The following BPIFB3 variants were observed in gnomAD, a reference collection of about 807,000 sequenced individuals.
The protein encoded by BPIFB3 is BPI fold containing family B member 3.
A neutral mutation model predicts 53.1 loss-of-function variants in BPIFB3; 49 were observed. The ratio of observed to expected loss-of-function variants is 0.92; its 90% CI spans 0.73 to 1.17. BPIFB3 has a LOEUF of 1.17. Ranked by LOEUF, BPIFB3 falls within the 50% of genes most tolerant of loss-of-function variation. The pLI is 0.00. For missense variants in BPIFB3, 628 were observed against 592.5 expected (o/e 1.06, Z -0.62); for synonymous variants, 271 against 269.6 (o/e 1.01, Z -0.05).
chr20:33,062,310 G>A (rs553868636), intron 5 of BPIFB3, among the ~76,000 whole-genome samples: 3 of 152,292 alleles, frequency 2.0e-5, no homozygotes, highest in Admixed American at 2.0e-4. Context: ...ACTCGAGAGA[G>A]CTGGTCTGGC....
intron 13 of BPIFB3, 141 bp from the exon 15 acceptor site, chr20:33,072,576 C>T: frequency 4.2e-6 from 3 of 715,454 alleles, no homozygotes; most frequent in Non-Finnish European, 7.3e-6. Flanking sequence ...TAGGAGTTTG[C>T]CAATAAGAAG....
chr20:33,056,638 T>C, exon 2 of BPIFB3: 1 of 1,612,996 alleles, frequency 6.2e-7, no homozygotes, highest in Non-Finnish European at 8.5e-7. Context: ...GGAGGGCTGC[T>C]TGGAGGAGGC....
upstream of BPIFB3, among the ~76,000 whole-genome samples, chr20:33,054,840 T>C (rs560765189): frequency 6.6e-6 from 1 of 152,320 alleles, no homozygotes; most frequent in East Asian, 1.9e-4. Flanking sequence ...CCCCATTCCC[T>C]TTTTCAACAA....
Position 33,072,086 on chromosome 20 carries a change from CTG to C in BPIFB3, c.1261-12_1261-11del. ...ACCCCAGAGCACCACCCCCACCACC[CTG>C]TGTGTTCTGTTGCAGGGATCGCGTT... On this transcript the variant is annotated splice_polypyrimidine_tract_variant and intron_variant, in intron 12 of 14. Coordinates refer to ENST00000375494, the Ensembl canonical transcript of BPIFB3. 1 of 1,614,024 alleles carries C rather than the reference CTG, an allele frequency of 6.2e-7. No individual in the cohort carries two copies. Among genetic ancestry groups the C allele is most frequent in the Non-Finnish European group, 8.5e-7 (1 of 1,179,896 alleles).
intron 10 of BPIFB3, among the ~76,000 whole-genome samples, chr20:33,069,673 A>G (rs373078133): frequency 7.9e-5 from 12 of 152,290 alleles, no homozygotes; most frequent in African/African-American, 2.9e-4. Context: ...TTCCTCTCCT[A>G]CATTACCAAT....
At chr20:33,061,642 C>A in intron 4 of BPIFB3, 126 bp from the exon 6 acceptor site, 1 of 896,760 alleles carries the variant, frequency 1.1e-6, no homozygotes, top group Non-Finnish European at 1.7e-6. Context: ...TCCAAAGCCG[C>A]AGTCAACACC....
chr20:33,072,186 T>C lies in BPIFB3; in HGVS notation c.1324+19T>C. 2 of 1,613,460 alleles carry C rather than the reference T, an allele frequency of 1.2e-6. No individual in the cohort carries two copies. Among genetic ancestry groups the C allele is most frequent in the Non-Finnish European group, 1.7e-6 (2 of 1,179,378 alleles). ...CTTAACGGTATGGCAGGTTTTGCTCTCTTGGACACATGGAGTGTCTGAATT... is the reference window on the plus strand; with the variant it reads ...CTTAACGGTATGGCAGGTTTTGCTCCCTTGGACACATGGAGTGTCTGAATT... On this transcript the variant is annotated intron_variant, in intron 13 of 14. Coordinates refer to ENST00000375494, the Ensembl canonical transcript of BPIFB3.
chr20:33,064,650 T>A lies in BPIFB3; in HGVS notation c.745-16T>A. Reference sequence around the variant, plus strand: ...CACCTTAAGACCCTCCTCGGCCCTGTTTCCTGCCCCTGCAGCCTATCGTGA... The same window carrying A: ...CACCTTAAGACCCTCCTCGGCCCTGATTCCTGCCCCTGCAGCCTATCGTGA... On this transcript the variant is annotated splice_polypyrimidine_tract_variant and intron_variant, in intron 7 of 14. Coordinates refer to ENST00000375494, the Ensembl canonical transcript of BPIFB3. 1 of 1,613,364 alleles carries A rather than the reference T, an allele frequency of 6.2e-7. No individual in the cohort carries two copies. The highest frequency in any genetic ancestry group is 1.1e-5 in the South Asian group (1 of 91,010).
exon 2 of BPIFB3, chr20:33,056,678 C>T (rs527263507): frequency 1.9e-5 from 30 of 1,604,104 alleles, no homozygotes; most frequent in South Asian, 7.8e-5. Flanking sequence ...GGGTTTTTGG[C>T]GTTGTCGAGG....
upstream of BPIFB3, among the ~76,000 whole-genome samples, chr20:33,055,254 T>C (rs1052586584): frequency 6.6e-6 from 1 of 152,212 alleles, no homozygotes; most frequent in Admixed American, 6.5e-5. Context: ...CCGTGCCACC[T>C]GCGTGTTAGC....
At chr20:33,059,617 A>G (rs1173320116) in intron 3 of BPIFB3, 135 bp downstream of exon 4, 14 of 734,814 alleles carry the variant, frequency 1.9e-5, no homozygotes, top group Non-Finnish European at 3.2e-5. Context: ...TTCCTCCCCA[A>G]GGGACTCCCA....
At chr20:33,058,932 C>T (rs1230120443) in intron 2 of BPIFB3, among the ~76,000 whole-genome samples, 1 of 152,044 alleles carries the variant, frequency 6.6e-6, no homozygotes, top group African/African-American at 2.4e-5. Flanking sequence ...ACCCAGAGGA[C>T]AGAGAGTAAT....
intron 9 of BPIFB3, among the ~76,000 whole-genome samples, chr20:33,067,736 G>T (rs1980725888): frequency 6.6e-6 from 1 of 152,188 alleles, no homozygotes; most frequent in South Asian, 2.1e-4. Context: ...CAGCAAGCTG[G>T]GCCTGCCCCT....
intron 9 of BPIFB3, among the ~76,000 whole-genome samples, chr20:33,067,380 C>T (rs181952460): frequency 1.6e-4 from 25 of 152,262 alleles, no homozygotes; most frequent in Middle Eastern, 3.4e-3. Flanking sequence ...AACTGGAATT[C>T]GTACTGAAGT....
chr20:33,065,641 T>C (rs1980641788), intron 8 of BPIFB3, among the ~76,000 whole-genome samples: 1 of 152,010 alleles, frequency 6.6e-6, no homozygotes, highest in South Asian at 2.1e-4. Context: ...TAGGGTTGGA[T>C]TGTACCAAGA....
At chr20:33,067,016 T>C (rs926723441) in intron 9 of BPIFB3, 139 bp downstream of exon 10, 1 of 847,310 alleles carries the variant, frequency 1.2e-6, no homozygotes, top group Non-Finnish European at 1.9e-6. Context: ...AAAGTGTGAA[T>C]GACTAACACG....
exon 15 of BPIFB3, chr20:33,073,624 A>G: frequency 1.2e-6 from 2 of 1,613,830 alleles, no homozygotes; most frequent in Non-Finnish European, 1.7e-6. Context: ...CATGGCCACC[A>G]GCCTTCCCTG....
At chr20:33,058,667 G>A (rs1020063922) in intron 2 of BPIFB3, among the ~76,000 whole-genome samples, 6 of 151,990 alleles carry the variant, frequency 3.9e-5, no homozygotes, top group African/African-American at 9.7e-5. Flanking sequence ...GGCATTGTTC[G>A]TGCCTTGAAG....
intron 2 of BPIFB3, among the ~76,000 whole-genome samples, chr20:33,058,925 CAGAGGACAG>C: frequency 6.6e-6 from 1 of 152,156 alleles, no homozygotes; most frequent in South Asian, 2.1e-4. Flanking sequence ...GGCAAAGACC[CAGAGGACAG>C]AGAGTAATGA....
Sources: allele counts gnomAD v4.1 joint callset (sites outside exome capture counted in the v4.1 genomes callset), GRCh38; gene constraint gnomAD v4.1.1; transcripts MANE v1.5; gene names NCBI Gene and HGNC (gene_info 2026-07-23, HGNC 2026-07-21).